PPP1R13B: variants seen among roughly 807,000 people sequenced by gnomAD.
The protein encoded by PPP1R13B is protein phosphatase 1 regulatory subunit 13B, also known as apoptosis-stimulating of p53 protein 1.
PPP1R13B carries 44 observed loss-of-function variants against 119.8 expected under a neutral mutation model. The ratio of observed to expected loss-of-function variants is 0.37; its 90% CI spans 0.29 to 0.47. The LOEUF (loss-of-function observed/expected upper bound fraction) is 0.47. Among genes scored for constraint, PPP1R13B ranks in the 20% least tolerant of loss-of-function variants. The probability of loss-of-function intolerance (pLI) is 0.99; values close to 1 mark genes in which losing one functional copy is unlikely to be tolerated. For missense variants in PPP1R13B, 1,227 were observed against 1,413.5 expected (o/e 0.87, Z 2.12); for synonymous variants, 542 against 561.5 (o/e 0.97, Z 0.49).
intron 7 of PPP1R13B, 66 bp from the exon 8 acceptor site, chr14:103,750,000 G>A: frequency 6.4e-7 from 1 of 1,552,280 alleles, no homozygotes; most frequent in Non-Finnish European, 8.7e-7. Context: ...CATTGCCAGG[G>A]AGATTAAAAA....
At chr14:103,765,298 A>T (rs78537281) in intron 4 of PPP1R13B, among the ~76,000 whole-genome samples, 2,037 of 152,350 alleles carry the variant, frequency 0.013, 23 homozygotes, top group Non-Finnish European at 0.023. Context: ...ATTATTTGGA[A>T]TAAAAAATTC....
At chr14:103,775,213 C>A (rs950727889) in intron 4 of PPP1R13B, among the ~76,000 whole-genome samples, 5 of 152,058 alleles carry the variant, frequency 3.3e-5, no homozygotes, top group African/African-American at 1.2e-4. Context: ...TCTATTTAAT[C>A]TTCCCTGAAG....
chr14:103,771,863 T>C (rs1264112784), intron 4 of PPP1R13B, among the ~76,000 whole-genome samples: 1 of 152,234 alleles, frequency 6.6e-6, no homozygotes, highest in Admixed American at 6.5e-5. Flanking sequence ...ACTGCATATA[T>C]CTAAAGTACA....
At position 103,797,380 on chromosome 14, in the gene PPP1R13B, T is replaced by C; in HGVS notation, c.148A>G (p.Arg50Gly). The change falls in exon 2 of 17, where the codon AGG becomes GGG. Residue 50 changes from arginine to glycine, a missense_variant. By Grantham distance (125) the Arg-to-Gly change is moderately radical. Coordinates refer to ENST00000202556, the MANE Select transcript of PPP1R13B (RefSeq NM_015316.3). ...EGSCHLAEVWRGNERPIPFDH... is the reference protein window; with the variant it reads ...EGSCHLAEVWGGNERPIPFDH... Reference sequence around the variant, plus strand: ...AGGACCTAATACATACCATTTCCCCTCCACACTTCAGCTAAATGGCAGCTG... The same window carrying C: ...AGGACCTAATACATACCATTTCCCCCCCACACTTCAGCTAAATGGCAGCTG... 1 of 1,613,962 alleles carries C rather than the reference T, an allele frequency of 6.2e-7. No individual in the cohort carries two copies. Among genetic ancestry groups the C allele is most frequent in the Admixed American group, 1.7e-5 (1 of 59,968 alleles).
rs144202648 is a variant in PPP1R13B, at chr14:103,749,266, A to G, written c.969+528T>C. 1.9e-3 allele frequency among the ~76,000 whole-genome samples: 294 copies of G among 152,302 alleles called. 1 individual carries two copies. Among genetic ancestry groups the G allele is most frequent in the African/African-American group, 6.8e-3 (283 of 41,560 alleles). ...TTTTCAATGAGTATTTACTACCTTTAAAATTCAGTATCAAATAAGGATTTT... is the reference window on the plus strand; with the variant it reads ...TTTTCAATGAGTATTTACTACCTTTGAAATTCAGTATCAAATAAGGATTTT... On this transcript the variant is annotated intron_variant, in intron 8 of 16. Coordinates refer to ENST00000202556, the MANE Select transcript of PPP1R13B (RefSeq NM_015316.3).
chr14:103,762,742 A>C, intron 4 of PPP1R13B: 1 of 676,176 alleles, frequency 1.5e-6, no homozygotes, highest in South Asian at 1.5e-5. Flanking sequence ...GGTGAGACGG[A>C]TGGGGGTGGA....
chr14:103,792,981 A>C (rs2085661039), intron 2 of PPP1R13B, among the ~76,000 whole-genome samples: 1 of 151,438 alleles, frequency 6.6e-6, no homozygotes, highest in Non-Finnish European at 1.5e-5. Context: ...CTGAGGCAGG[A>C]GAATCACTGG....
chr14:103,767,076 G>T (rs2084955142), intron 4 of PPP1R13B, among the ~76,000 whole-genome samples: 1 of 152,132 alleles, frequency 6.6e-6, no homozygotes. Context: ...TGACCCGAAG[G>T]GCTTTGGAGT....
chr14:103,734,982 CTG>C lies in PPP1R13B; in HGVS notation c.*170_*171del. On this transcript the variant is annotated 3_prime_UTR_variant, in exon 17 of 17. Coordinates refer to ENST00000202556, the MANE Select transcript of PPP1R13B (RefSeq NM_015316.3). ...GTACCTCTCCCAGTTAATGGGCAAA[CTG>C]GAGAAAGGGCCTCACCTGGAAACTG... 1 of 785,818 alleles carries C rather than the reference CTG, an allele frequency of 1.3e-6. No individual in the cohort carries two copies. Among genetic ancestry groups the C allele is most frequent in the Non-Finnish European group, 2.2e-6 (1 of 457,220 alleles). The allele number at this position is 785,818 out of a possible 1,614,324, so 48.7% of individuals were successfully genotyped here.
intron 4 of PPP1R13B, among the ~76,000 whole-genome samples, chr14:103,777,988 G>A (rs1264107684): frequency 2.0e-5 from 3 of 149,908 alleles, no homozygotes; most frequent in African/African-American, 7.4e-5. Flanking sequence ...AATTTCGCTC[G>A]TTGCCCAGGC....
At position 103,757,070 on chromosome 14, in the gene PPP1R13B, T is replaced by G. The variant is rs142731975; in HGVS notation, c.456+580A>C. Reference sequence around the variant, plus strand: ...AGCCACTGCACCCAGCCTTTTTTTTTTTTTTTAATACAGGGTCTCACTTAC... The same window carrying G: ...AGCCACTGCACCCAGCCTTTTTTTTGTTTTTTAATACAGGGTCTCACTTAC... On this transcript the variant is annotated intron_variant, in intron 5 of 16. Coordinates refer to ENST00000202556, the MANE Select transcript of PPP1R13B (RefSeq NM_015316.3). Among the ~76,000 whole-genome samples the G allele has an allele frequency of 6.1e-3, 920 of 151,416 alleles. 12 individuals carry two copies. The highest frequency in any genetic ancestry group is 0.021 in the African/African-American group (865 of 41,218).
In PPP1R13B at chr14:103,736,075, G is replaced by A. The variant is rs773916462; in HGVS notation, c.3159C>T (p.Asp1053=). The A allele has an allele frequency of 3.0e-5, 49 of 1,614,094 alleles. No homozygotes were observed. The highest frequency in any genetic ancestry group is 1.3e-4 in the East Asian group (6 of 44,904). ...CCCACCACCACTCAGTCTCGCTTTC[G>A]TCCTTGCGCCTCAGGATGGTGAGGG... is the stretch of plus-strand genomic sequence containing the variant. ...GDALTILRRK[D]ESETEWWWAR... Residue 1053 remains aspartate, a synonymous_variant, in exon 16 of 17, where the codon GAC becomes GAT. Coordinates refer to ENST00000202556, the MANE Select transcript of PPP1R13B (RefSeq NM_015316.3).
At chr14:103,808,480 CATG>C (rs1264093551) in intron 1 of PPP1R13B, among the ~76,000 whole-genome samples, 2 of 152,122 alleles carry the variant, frequency 1.3e-5, no homozygotes, top group Non-Finnish European at 2.9e-5. Context: ...ATATATATAT[CATG>C]ATGTTTTAAG....
chr14:103,763,259 T>C, intron 4 of PPP1R13B: 1 of 492,640 alleles, frequency 2.0e-6, no homozygotes, highest in Non-Finnish European at 3.7e-6. Context: ...CTTTTCTCTA[T>C]GAAACGTCTG....
At chr14:103,798,846 C>T (rs550869589) in intron 1 of PPP1R13B, among the ~76,000 whole-genome samples, 4 of 152,110 alleles carry the variant, frequency 2.6e-5, no homozygotes, top group Admixed American at 6.6e-5. Flanking sequence ...TGTGCCACCA[C>T]GTCCAGTTAA....
rs11394353 is a variant in PPP1R13B at position 103,836,776 on chromosome 14, G to GAA, written c.9+10521_9+10522dup. On this transcript the variant is annotated intron_variant, in intron 1 of 16. Coordinates refer to ENST00000202556, the MANE Select transcript of PPP1R13B (RefSeq NM_015316.3). ...CAGAGCAAGAGTCTGTCTCAGAAAAGAAAAAAAAAAAAAAAAAATTGTCCA... is the reference window on the plus strand; with the variant it reads ...CAGAGCAAGAGTCTGTCTCAGAAAAGAAAAAAAAAAAAAAAAAAAATTGTCCA... 7.3e-3 allele frequency among the ~76,000 whole-genome samples: 842 copies of GAA among 114,822 alleles called. 10 individuals are homozygous for GAA. The highest frequency in any genetic ancestry group is 0.027 in the South Asian group (94 of 3,450). 75.3% of individuals were successfully genotyped at this position (114,822 alleles called of 152,430 possible). A position where few individuals can be genotyped will look rare whatever the true frequency, so the allele number is the denominator to read the frequency against.
At chr14:103,776,867 G>A (rs1171007018) in intron 4 of PPP1R13B, among the ~76,000 whole-genome samples, 1 of 146,056 alleles carries the variant, frequency 6.8e-6, no homozygotes. Context: ...GTGAGACTCT[G>A]CCTCAAAAAA....
intron 1 of PPP1R13B, among the ~76,000 whole-genome samples, chr14:103,806,733 A>C (rs1015894923): frequency 6.6e-6 from 1 of 152,168 alleles, no homozygotes; most frequent in African/African-American, 2.4e-5. Flanking sequence ...AGTTGCTGTC[A>C]TCCACACAGA....
intron 4 of PPP1R13B, among the ~76,000 whole-genome samples, chr14:103,771,015 G>A (rs2085054282): frequency 6.6e-6 from 1 of 152,066 alleles, no homozygotes; most frequent in South Asian, 2.1e-4. Context: ...GCCCACAAAC[G>A]TCCAGGATGC....
Sources: gnomAD v4.1 joint callset for allele counts (sites outside exome capture counted in the v4.1 genomes callset) on GRCh38, gnomAD v4.1.1 for gene constraint, MANE v1.5 for transcripts, NCBI Gene and HGNC (gene_info 2026-07-23, HGNC 2026-07-21) for gene names.